The following TMEM232 variants were observed in gnomAD, a reference collection of about 807,000 sequenced individuals.
The protein encoded by TMEM232 is transmembrane protein 232.
In TMEM232, 80 loss-of-function variants were observed where a neutral mutation model predicts 78.8. That is an observed-to-expected ratio of 1.01 (90% confidence interval 0.85 to 1.22). TMEM232 has a LOEUF of 1.22. Ranked by LOEUF, TMEM232 falls within the 50% of genes most tolerant of loss-of-function variation. TMEM232 has a pLI of 0.00. For synonymous variants in TMEM232, 297 were observed against 254.3 expected (o/e 1.17, Z -1.60); for missense variants, 881 against 742.2 (o/e 1.19, Z -2.17).
chr5:110,407,622 C>A (rs550336560), intron 2 of TMEM232, among the ~76,000 whole-genome samples: 1 of 152,080 alleles, frequency 6.6e-6, no homozygotes, highest in Non-Finnish European at 1.5e-5. Context: ...GGCAGATCAT[C>A]CAGACAGATA....
chr5:110,598,454 G>A (rs1279638191), intron 10 of TMEM232, among the ~76,000 whole-genome samples: 4 of 152,062 alleles, frequency 2.6e-5, no homozygotes, highest in African/African-American at 4.8e-5. Flanking sequence ...TCAGTGTGGC[G>A]ATTCCTCAGG....
intron 7 of TMEM232, among the ~76,000 whole-genome samples, chr5:110,623,367 T>G (rs1784022069): frequency 6.6e-6 from 1 of 152,140 alleles, no homozygotes. Context: ...TCAAATACTT[T>G]CAAGTGGCCA....
At chr5:110,508,613 A>C (rs550526013) in intron 12 of TMEM232, among the ~76,000 whole-genome samples, 2 of 150,534 alleles carry the variant, frequency 1.3e-5, no homozygotes, top group South Asian at 2.1e-4. Context: ...TGCTTAGAGG[A>C]TCTTTTGAGT....
At chr5:110,620,273 C>T (rs1195359793) in intron 7 of TMEM232, among the ~76,000 whole-genome samples, 1 of 152,144 alleles carries the variant, frequency 6.6e-6, no homozygotes, top group African/African-American at 2.4e-5. Context: ...TTTTGATCTC[C>T]TATTGGACAT....
intron 1 of TMEM232, among the ~76,000 whole-genome samples, chr5:110,672,231 T>C (rs888195417): frequency 6.6e-6 from 1 of 152,204 alleles, no homozygotes; most frequent in African/African-American, 2.4e-5. Flanking sequence ...ACTGAACTTA[T>C]TGTCCAAAGA....
At chr5:110,570,776 G>A (rs1776854532) in intron 10 of TMEM232, among the ~76,000 whole-genome samples, 1 of 151,922 alleles carries the variant, frequency 6.6e-6, no homozygotes, top group Non-Finnish European at 1.5e-5. Flanking sequence ...ATCTCATTAT[G>A]TTACTTCTCT....
At chr5:110,612,392 C>T (rs34574529) in intron 8 of TMEM232, among the ~76,000 whole-genome samples, 11,744 of 152,116 alleles carry the variant, frequency 0.077, 580 homozygotes, top group Non-Finnish European at 0.11. Context: ...AGAAATGAAT[C>T]AAGAAGCATC....
At chr5:110,421,176 TATGAAGTTAAA>T in intron 13 of TMEM232, among the ~76,000 whole-genome samples, 1 of 152,076 alleles carries the variant, frequency 6.6e-6, no homozygotes, top group South Asian at 2.1e-4. Flanking sequence ...TACTATTCTC[TATGAAGTTAAA>T]AATGAAATTA....
chr5:110,556,700 T>C (rs1775135916), intron 11 of TMEM232, among the ~76,000 whole-genome samples: 1 of 152,162 alleles, frequency 6.6e-6, no homozygotes, highest in African/African-American at 2.4e-5. Context: ...GGATGCAGAA[T>C]ATAGGTCCCC....
chr5:110,667,365 C>G lies in TMEM232; in HGVS notation c.-12-1G>C. On this transcript the variant is annotated splice_acceptor_variant, in intron 1 of 13. Transcript: ENST00000455884. LOFTEE classifies it low-confidence loss of function (5UTR_SPLICE). The stretch of plus-strand genomic sequence containing the variant: ...CAGGCATATTCATAAATCATAAATT[C>G]TAAAAGGAATATTAAATGTATGTTA... The G allele has an allele frequency of 6.7e-7, 1 of 1,487,030 alleles. No homozygotes were observed. Among genetic ancestry groups the G allele is most frequent in the African/African-American group, 1.4e-5 (1 of 69,774 alleles). The allele number at this position is 1,487,030 out of a possible 1,614,324, so 92.1% of individuals were successfully genotyped here.
At chr5:110,636,098 G>A (rs1250675529) in intron 5 of TMEM232, among the ~76,000 whole-genome samples, 1 of 151,972 alleles carries the variant, frequency 6.6e-6, no homozygotes, top group African/African-American at 2.4e-5. Context: ...ATAATGAAAT[G>A]TCATTTGCAG....
intron 2 of TMEM232, among the ~76,000 whole-genome samples, chr5:110,414,071 T>C (rs1216212516): frequency 6.6e-6 from 1 of 152,184 alleles, no homozygotes; most frequent in East Asian, 1.9e-4. Flanking sequence ...TATCAATTTT[T>C]CACTTGCTAC....
intron 2 of TMEM232, among the ~76,000 whole-genome samples, chr5:110,661,477 T>A (rs1049388363): frequency 6.6e-6 from 1 of 151,918 alleles, no homozygotes; most frequent in African/African-American, 2.4e-5. Flanking sequence ...CATGCCTGGG[T>A]GATTTTTGTA....
chr5:110,392,800 A>G (rs115578907), intron 3 of TMEM232, among the ~76,000 whole-genome samples: 86 of 152,328 alleles, frequency 5.6e-4, no homozygotes, highest in Admixed American at 1.1e-3. Flanking sequence ...AGTAACAACA[A>G]TTTAAACCTT....
intron 7 of TMEM232, among the ~76,000 whole-genome samples, chr5:110,624,529 C>T (rs1004299170): frequency 1.3e-5 from 2 of 152,126 alleles, no homozygotes; most frequent in East Asian, 3.8e-4. Context: ...CTTTCATTAT[C>T]TATTTACTGC....
chr5:110,604,892 G>T (rs1781352048), intron 10 of TMEM232, among the ~76,000 whole-genome samples: 1 of 152,038 alleles, frequency 6.6e-6, no homozygotes, highest in Non-Finnish European at 1.5e-5. Flanking sequence ...AGAAGAGGAG[G>T]TTACAGTGAG....
At chr5:110,449,818 T>C (rs1760071731) in intron 12 of TMEM232, among the ~76,000 whole-genome samples, 1 of 152,164 alleles carries the variant, frequency 6.6e-6, no homozygotes, top group Non-Finnish European at 1.5e-5. Context: ...AAATTTGTTC[T>C]TTTTCCTTTT....
At chr5:110,700,314 A>T (rs936383430) in intron 1 of TMEM232, among the ~76,000 whole-genome samples, 4 of 152,088 alleles carry the variant, frequency 2.6e-5, no homozygotes, top group Non-Finnish European at 5.9e-5. Flanking sequence ...ATTCTTTATT[A>T]AATTCAACCT....
downstream of TMEM232, among the ~76,000 whole-genome samples, chr5:110,415,659 TATTGGGAAGCTTTTG>T (rs1347415001): frequency 1.3e-5 from 2 of 152,142 alleles, no homozygotes; most frequent in East Asian, 3.9e-4. Context: ...CATTGCTTTT[TATTGGGAAGCTTTTG>T]ATTGGGAAGC....
Sources: gnomAD v4.1 joint callset for allele counts (sites outside exome capture counted in the v4.1 genomes callset) on GRCh38, gnomAD v4.1.1 for gene constraint, MANE v1.5 for transcripts, NCBI Gene and HGNC (gene_info 2026-07-23, HGNC 2026-07-21) for gene names.